The following TMEM144 variants were observed in gnomAD, a reference collection of about 807,000 sequenced individuals.
TMEM144 encodes transmembrane protein 144.
TMEM144 carries 39 observed loss-of-function variants against 43.6 expected under a neutral mutation model. The observed-to-expected ratio is 0.90, with a 90% confidence interval of 0.69 to 1.17. The LOEUF (loss-of-function observed/expected upper bound fraction) is 1.17, where lower values mean the gene tolerates loss of function less well. Ranked by LOEUF, TMEM144 falls within the 50% of genes most tolerant of loss-of-function variation. TMEM144 has a pLI of 0.00. For missense variants in TMEM144, 417 were observed against 411.9 expected, an observed-to-expected ratio of 1.01 and a Z score of -0.11; for synonymous variants, 154 against 133.6, an observed-to-expected ratio of 1.15 and a Z score of -1.06.
At chr4:158,240,132 G>A (rs748424650) in intron 9 of TMEM144, among the ~76,000 whole-genome samples, 167 bp from the exon 10 acceptor site, 2 of 151,970 alleles carry the variant, frequency 1.3e-5, no homozygotes, top group Non-Finnish European at 2.9e-5. Flanking sequence ...TGATCCACCC[G>A]GCTCGGCCTC....
intron 3 of TMEM144, chr4:158,213,822 C>G (rs4447906): frequency 1.3e-5 from 2 of 151,882 alleles, no homozygotes; most frequent in African/African-American, 4.8e-5. Context: ...CAGGGCCTTT[C>G]TTCTCTTTTC....
At position 158,253,740 on chromosome 4, in the gene TMEM144, T is replaced by A. The variant is rs1197147324; in HGVS notation, c.*213T>A. The A allele has an allele frequency of 1.8e-6, 1 of 540,924 alleles. No homozygotes were observed. Among genetic ancestry groups the A allele is most frequent in the East Asian group, 3.2e-5 (1 of 31,472 alleles). The allele number at this position is 540,924 out of a possible 1,614,324, so 33.5% of individuals were successfully genotyped here. A position where few individuals can be genotyped will look rare whatever the true frequency, so the allele number is the denominator to read the frequency against. The stretch of plus-strand genomic sequence containing the variant: ...AAAATGAAAATTTCTTCTGATGAAC[T>A]GTTTATGAAGGTAGTACTTTACTGG... On this transcript the variant is annotated 3_prime_UTR_variant, in exon 13 of 13. Transcript: ENST00000296529.
At chr4:158,211,633 T>C (rs1286106561) in intron 2 of TMEM144, 59 bp downstream of exon 2, 2 of 152,226 alleles carry the variant, frequency 1.3e-5, no homozygotes, top group Non-Finnish European at 2.9e-5. Context: ...ATAATTATTT[T>C]TATTGAATAG....
intron 11 of TMEM144, among the ~76,000 whole-genome samples, chr4:158,242,217 A>G (rs1183305034): frequency 6.6e-6 from 1 of 152,182 alleles, no homozygotes; most frequent in Non-Finnish European, 1.5e-5. Context: ...CTTCTCACTC[A>G]CCAGGCATAA....
At chr4:158,234,696 GCTA>G (rs1240605701) in intron 7 of TMEM144, 2 of 152,224 alleles carry the variant, frequency 1.3e-5, no homozygotes, top group Non-Finnish European at 2.9e-5. Flanking sequence ...CACTAAGACA[GCTA>G]CTAAGTGACT....
At position 158,251,450 on chromosome 4, in the gene TMEM144, G is replaced by A. The variant is rs112123069; in HGVS notation, c.955-1994G>A. Among the ~76,000 whole-genome samples, 852 of 152,288 alleles carry A rather than the reference G, an allele frequency of 5.6e-3. 11 individuals carry two copies. Among genetic ancestry groups the A allele is most frequent in the African/African-American group, 0.02 (817 of 41,560 alleles). On this transcript the variant is annotated intron_variant, in intron 12 of 12. Coordinates refer to ENST00000296529, the MANE Select transcript of TMEM144 (RefSeq NM_018342.5). The stretch of plus-strand genomic sequence containing the variant: ...GGGGGGATGAGACAGGAATAATACA[G>A]GGTGGTCACAGATTAGGAAAATCCC...
At chr4:158,219,258 TG>T in intron 5 of TMEM144, 51 bp from the exon 6 acceptor site, 3 of 1,583,844 alleles carry the variant, frequency 1.9e-6, no homozygotes, top group Non-Finnish European at 2.6e-6. Context: ...TTAAACATTA[TG>T]GTGAAACATC....
rs1560834537 is a variant in TMEM144 at position 158,237,662 on chromosome 4, CT to C, written c.682+21del. The C allele has an allele frequency of 6.7e-7, 1 of 1,491,874 alleles. No homozygotes were observed. The highest frequency in any genetic ancestry group is 1.2e-5 in the South Asian group (1 of 84,740). 92.4% of individuals were successfully genotyped at this position (1,491,874 alleles called of 1,614,324 possible). On this transcript the variant is annotated intron_variant, in intron 9 of 12. Transcript: ENST00000296529. ...CAATATGGTGAGAATAAAAAGTTATCTTACTTTATTAATATCTACTTTTTAT... is the reference window on the plus strand; with the variant it reads ...CAATATGGTGAGAATAAAAAGTTATCTACTTTATTAATATCTACTTTTTAT...
intron 6 of TMEM144, among the ~76,000 whole-genome samples, chr4:158,227,056 G>T (rs1734809299): frequency 6.7e-6 from 1 of 150,346 alleles, no homozygotes; most frequent in Non-Finnish European, 1.5e-5. Context: ...GTAAGTTTGG[G>T]ATTTTAATTA....
At chr4:158,233,993 C>G (rs1735214014) in intron 7 of TMEM144, 1 of 152,036 alleles carries the variant, frequency 6.6e-6, no homozygotes, top group Non-Finnish European at 1.5e-5. Flanking sequence ...AACAATGGAA[C>G]AAAATAATAA....
intron 12 of TMEM144, among the ~76,000 whole-genome samples, chr4:158,246,270 A>G (rs1735888845): frequency 6.6e-6 from 1 of 152,200 alleles, no homozygotes; most frequent in Admixed American, 6.5e-5. Flanking sequence ...CCCCTCCCCA[A>G]TCAAGTCATC....
chr4:158,235,777 G>T lies in TMEM144; in HGVS notation c.563+272G>T, dbSNP rs1735313021. 5 of 305,178 alleles carry T rather than the reference G, an allele frequency of 1.6e-5. No homozygotes were observed. In the South Asian group the frequency reaches 2.8e-4, roughly 17 times the overall value. 18.9% of individuals were successfully genotyped at this position (305,178 alleles called of 1,614,324 possible). On this transcript the variant is annotated intron_variant, in intron 8 of 12. Transcript: ENST00000296529. ...AAAGCAACCTAATTTTGCATGACTTGTGTAGCTAAAGTAAAAGAGGTAGTA... is the reference window on the plus strand; with the variant it reads ...AAAGCAACCTAATTTTGCATGACTTTTGTAGCTAAAGTAAAAGAGGTAGTA...
rs573579077 is a variant in TMEM144, at chr4:158,254,934, T to C, written c.*1407T>C. On this transcript the variant is annotated 3_prime_UTR_variant, in exon 13 of 13. Transcript: ENST00000296529. The stretch of plus-strand genomic sequence containing the variant: ...TTATGATGGCATCTACCTCACATGG[T>C]TATTGTGTGGTTGAAATTAGTTCAA... 6.6e-6 allele frequency: 1 copy of C among 152,158 alleles called. No homozygotes were observed. The highest frequency in any genetic ancestry group is 1.5e-5 in the Non-Finnish European group (1 of 68,024). The allele number at this position is 152,158 out of a possible 1,614,324, so 9.4% of individuals were successfully genotyped here. A position where few individuals can be genotyped will look rare whatever the true frequency, so the allele number is the denominator to read the frequency against.
chr4:158,235,336 A>T, intron 7 of TMEM144, 102 bp from the exon 8 acceptor site: 1 of 1,190,120 alleles, frequency 8.4e-7, no homozygotes. Flanking sequence ...TATATTTTAA[A>T]GCATGTTTGA....
At chr4:158,221,539 C>G (rs1309905492) in intron 6 of TMEM144, among the ~76,000 whole-genome samples, 1 of 152,144 alleles carries the variant, frequency 6.6e-6, no homozygotes, top group Non-Finnish European at 1.5e-5. Context: ...TAAACATTTG[C>G]TTTCTTGAAG....
rs746137833 is a variant in TMEM144 at position 158,219,347 on chromosome 4, A to G, written c.370A>G (p.Asn124Asp). ...TGGATTGGATGCAGAAGAAGTATCA[A>G]ATCCGCTGCTAAATTACATTGGAGC... ...WFGLDAEEVS[N>D]PLLNYIGAGL... is the part of the protein sequence containing the mutation. Residue 124 changes from asparagine to aspartate, a missense_variant, in exon 6 of 13, where the codon AAT (asparagine) becomes GAT (aspartate). Physicochemically the swap from Asn to Asp is conservative, Grantham distance 23. Transcript: ENST00000296529. 1.2e-6 allele frequency: 2 copies of G among 1,613,942 alleles called. No homozygotes were observed. The highest frequency in any genetic ancestry group is 4.5e-5 in the East Asian group (2 of 44,878).
intron 3 of TMEM144, among the ~76,000 whole-genome samples, chr4:158,214,954 G>C (rs1734142915): frequency 6.6e-6 from 1 of 152,192 alleles, no homozygotes; most frequent in Non-Finnish European, 1.5e-5. Context: ...TTAAATTCCA[G>C]CTCAACAAAC....
chr4:158,245,581 C>G (rs370253102), intron 12 of TMEM144, among the ~76,000 whole-genome samples: 42 of 152,184 alleles, frequency 2.8e-4, no homozygotes, highest in African/African-American at 9.6e-4. Context: ...ACCAAGAACA[C>G]AATAAATGCT....
chr4:158,250,326 G>C (rs999049351), intron 12 of TMEM144, among the ~76,000 whole-genome samples: 35 of 151,378 alleles, frequency 2.3e-4, no homozygotes, highest in Non-Finnish European at 5.0e-4. Context: ...CTTTGTTTCT[G>C]TTCTGTTCAG....
Sources: gnomAD v4.1 joint callset for allele counts (sites outside exome capture counted in the v4.1 genomes callset) on GRCh38, gnomAD v4.1.1 for gene constraint, MANE v1.5 for transcripts, NCBI Gene and HGNC (gene_info 2026-07-23, HGNC 2026-07-21) for gene names.